NSD2: variants seen among roughly 807,000 people sequenced by gnomAD.
NSD2 encodes the protein histone-lysine N-methyltransferase NSD2.
In NSD2, 12 loss-of-function variants were observed where a neutral mutation model predicts 139.0. The observed-to-expected ratio is 0.09, with a 90% CI of 0.06 to 0.14. The LOEUF is 0.14. Ranked by LOEUF, NSD2 falls within the 10% of genes least tolerant of loss-of-function variation. The pLI is 1.00. For synonymous variants in NSD2, 669 were observed against 648.7 expected, an observed-to-expected ratio of 1.03 and a Z score of -0.48; for missense variants, 1,155 against 1,745.0, an observed-to-expected ratio of 0.66 and a Z score of 6.02.
chr4:1,981,952 A>G lies in NSD2; in HGVS notation c.*3043A>G. On this transcript the variant is annotated 3_prime_UTR_variant, in exon 22 of 22. Transcript: ENST00000508803. ...CCGTCAGAAATTAAATACAAACTTAAATGTGCCTATTGGTGTCTAAACTTC... is the reference window on the plus strand; with the variant it reads ...CCGTCAGAAATTAAATACAAACTTAGATGTGCCTATTGGTGTCTAAACTTC... 2.5e-6 allele frequency: 1 copy of G among 398,526 alleles called. No homozygotes were observed. Among genetic ancestry groups the G allele is most frequent in the Non-Finnish European group, 4.4e-6 (1 of 226,054 alleles). The allele number at this position is 398,526 out of a possible 1,614,324, so 24.7% of individuals were successfully genotyped here.
chr4:1,910,494 T>C (rs964653846), intron 3 of NSD2, among the ~76,000 whole-genome samples: 2 of 152,206 alleles, frequency 1.3e-5, no homozygotes, highest in African/African-American at 4.8e-5. Context: ...GTTTTAGATA[T>C]TACACTCACT....
At position 1,942,785 on chromosome 4, in the gene NSD2, G is replaced by A. The variant is rs114137808; in HGVS notation, c.1881+3007G>A. On this transcript the variant is annotated intron_variant, in intron 9 of 21. Transcript: ENST00000508803. The surrounding 1 kb of genome is among the most constrained non-coding windows in gnomAD (Gnocchi z 4.0). ...CTGGACTTTTGTGGAAAATATCAGCGTCGCTACCCTCAGAAACAAACTAAC... is the reference window on the plus strand; with the variant it reads ...CTGGACTTTTGTGGAAAATATCAGCATCGCTACCCTCAGAAACAAACTAAC... 467 of 1,079,418 alleles carry A rather than the reference G, an allele frequency of 4.3e-4. No homozygotes were observed. In the African/African-American group the frequency reaches 6.8e-3, roughly 16 times the overall value. 66.9% of individuals were successfully genotyped at this position (1,079,418 alleles called of 1,614,324 possible).
intron 3 of NSD2, among the ~76,000 whole-genome samples, chr4:1,909,362 C>G (rs1196062024): frequency 6.6e-6 from 1 of 152,052 alleles, no homozygotes; most frequent in Non-Finnish European, 1.5e-5. Flanking sequence ...TGGTTGTGTT[C>G]ATTGCTCTGG....
intron 1 of NSD2, among the ~76,000 whole-genome samples, chr4:1,890,459 C>T (rs1404641397): frequency 1.9e-4 from 28 of 151,338 alleles, no homozygotes; most frequent in Non-Finnish European, 3.1e-4. Flanking sequence ...CCACCATGCC[C>T]GGCTAATTGT....
chr4:1,945,709 G>T (rs756725942), intron 9 of NSD2: 2 of 1,063,360 alleles, frequency 1.9e-6, no homozygotes, highest in Non-Finnish European at 1.1e-6. Flanking sequence ...ATCCAGTTGA[G>T]TTGAAAGGGT....
chr4:1,936,945 GGTT>G (rs1257185776), intron 7 of NSD2, among the ~76,000 whole-genome samples: 1 of 152,204 alleles, frequency 6.6e-6, no homozygotes, highest in Non-Finnish European at 1.5e-5. Context: ...CCATAGGTGA[GGTT>G]GTTGAGTGAT....
intron 2 of NSD2, among the ~76,000 whole-genome samples, chr4:1,903,882 C>T (rs1644455389): frequency 6.6e-6 from 1 of 152,040 alleles, no homozygotes; most frequent in Admixed American, 6.6e-5. Flanking sequence ...TTACAGGCGC[C>T]TGCCACCACG....
intron 1 of NSD2, among the ~76,000 whole-genome samples, chr4:1,896,893 G>A (rs1056086603): frequency 2.0e-5 from 3 of 149,940 alleles, no homozygotes; most frequent in Admixed American, 6.7e-5. Flanking sequence ...AGTTAAACCC[G>A]GGTATGGTGG....
chr4:1,935,895 T>A (rs1722332018), intron 7 of NSD2, among the ~76,000 whole-genome samples: 1 of 151,918 alleles, frequency 6.6e-6, no homozygotes, highest in Non-Finnish European at 1.5e-5. Flanking sequence ...CCAAACACCA[T>A]AACCTCTCTA....
intron 7 of NSD2, 33 bp from the exon 8 acceptor site, chr4:1,938,418 T>G: frequency 8.7e-5 from 39 of 449,580 alleles, no homozygotes; most frequent in Middle Eastern, 8.5e-4. Context: ...TTTTCTTTCT[T>G]TTTTTTTTTT....
In NSD2 at chr4:1,956,446, A is replaced by G. The variant is rs1724810437; in HGVS notation, c.2881+258A>G. Among the ~76,000 whole-genome samples, 1 of 152,230 alleles carries G rather than the reference A, an allele frequency of 6.6e-6. No homozygotes were observed. Among genetic ancestry groups the G allele is most frequent in the Non-Finnish European group, 1.5e-5 (1 of 68,046 alleles). The stretch of plus-strand genomic sequence containing the variant: ...CTATTATTCAGAAATTATTTTTAAT[A>G]CTAATTTACAGAAATGTTCCATGGC... On this transcript the variant is annotated intron_variant, in intron 15 of 21. Coordinates refer to ENST00000508803, the MANE Select transcript of NSD2 (RefSeq NM_001042424.3). This position sits in a 1 kb window ranked among gnomAD's most constrained non-coding sequence, Gnocchi z 5.3.
chr4:1,970,303 C>T (rs955364251), intron 18 of NSD2, among the ~76,000 whole-genome samples: 3 of 152,336 alleles, frequency 2.0e-5, no homozygotes, highest in East Asian at 1.9e-4. Context: ...ACCCAGTGCT[C>T]GGGACAGGGT....
In NSD2 at chr4:1,955,383, C is replaced by T. The variant is rs1334866501; in HGVS notation, c.2518+43C>T. On this transcript the variant is annotated intron_variant, in intron 13 of 21. Coordinates refer to ENST00000508803, the MANE Select transcript of NSD2 (RefSeq NM_001042424.3). The surrounding 1 kb of genome is among the most constrained non-coding windows in gnomAD (Gnocchi z 4.7). ...GTCTGCGGCACACGCCTCTCACACT[C>T]CCAGGAGCCACATATCAAGGCAGGC... 1 of 1,571,702 alleles carries T rather than the reference C, an allele frequency of 6.4e-7. No individual in the cohort carries two copies. The highest frequency in any genetic ancestry group is 1.1e-5 in the South Asian group (1 of 87,670).
chr4:1,901,845 G>A (rs1235503528), intron 2 of NSD2, among the ~76,000 whole-genome samples: 1 of 152,212 alleles, frequency 6.6e-6, no homozygotes, highest in Non-Finnish European at 1.5e-5. Flanking sequence ...GGTTCCCAGT[G>A]CAGAGCCCAG....
At chr4:1,975,422 T>C in intron 20 of NSD2, 22 bp downstream of exon 20, 1 of 1,606,042 alleles carries the variant, frequency 6.2e-7, no homozygotes, top group Non-Finnish European at 8.5e-7. Context: ...GCGCCCTCCT[T>C]CCCCCCAGGC....
chr4:1,939,853 A>T (rs779663094), intron 9 of NSD2, 75 bp downstream of exon 9: 3 of 1,609,278 alleles, frequency 1.9e-6, no homozygotes, highest in Non-Finnish European at 2.5e-6. Context: ...CAGTGTGAGT[A>T]ATGCTCAGAC....
At position 1,928,620 on chromosome 4, in the gene NSD2, C is replaced by T. The variant is rs551586198; in HGVS notation, c.1411-2006C>T. On this transcript the variant is annotated intron_variant, in intron 5 of 21. Transcript: ENST00000508803. ...CTGTCTTGTGAGGCGTGGTGGCTGTCTTGTGAGGCGAGGTGGCTGCAGGGC... is the reference window on the plus strand; with the variant it reads ...CTGTCTTGTGAGGCGTGGTGGCTGTTTTGTGAGGCGAGGTGGCTGCAGGGC... Among the ~76,000 whole-genome samples the T allele has an allele frequency of 1.4e-3, 213 of 151,386 alleles. 2 individuals are homozygous for T. Among genetic ancestry groups the T allele is most frequent in the Admixed American group, 3.0e-3 (45 of 15,254 alleles).
In NSD2 at chr4:1,982,033, ATAGT is replaced by A. The variant is rs1249608099; in HGVS notation, c.*3128_*3131del. On this transcript the variant is annotated 3_prime_UTR_variant, in exon 22 of 22. Transcript: ENST00000508803. ...ATACTGGGTGCTGTCACCAGGTTTG[ATAGT>A]TAGACTTAAAAACTTGAAATTCACT... 1 of 398,136 alleles carries A rather than the reference ATAGT, an allele frequency of 2.5e-6. No homozygotes were observed. Among genetic ancestry groups the A allele is most frequent in the East Asian group, 3.6e-5 (1 of 28,084 alleles). The allele number at this position is 398,136 out of a possible 1,614,324, so 24.7% of individuals were successfully genotyped here.
chr4:1,934,910 A>ATATATATATATATATAT (rs59927644), intron 6 of NSD2, among the ~76,000 whole-genome samples: 5 of 106,330 alleles, frequency 4.7e-5, no homozygotes, highest in South Asian at 3.4e-4. Context: ...TATATATATA[A>ATATATATATATATATAT]AAAACAGATA....
Sources: allele counts gnomAD v4.1 joint callset (sites outside exome capture counted in the v4.1 genomes callset), GRCh38; gene constraint gnomAD v4.1.1; non-coding constraint Gnocchi (gnomAD v3.1); transcripts MANE v1.5; gene names NCBI Gene and HGNC (gene_info 2026-07-23, HGNC 2026-07-21).